Variants in POLR1A observed in about 807,000 individuals in gnomAD.
The protein encoded by POLR1A is RNA polymerase I subunit A, also known as DNA-directed RNA polymerase I subunit RPA1.
POLR1A carries 84 observed loss-of-function variants against 205.3 expected under a neutral mutation model. The ratio of observed to expected loss-of-function variants is 0.41; its 90% CI spans 0.34 to 0.49. POLR1A has a LOEUF of 0.49. Ranked by LOEUF, POLR1A falls within the 20% of genes least tolerant of loss-of-function variation. The probability of loss-of-function intolerance (pLI) is 0.22; values close to 1 mark genes in which losing one functional copy is unlikely to be tolerated. For synonymous variants in POLR1A, 799 were observed against 863.7 expected, an observed-to-expected ratio of 0.93 and a Z score of 1.31; for missense variants, 1,645 against 2,204.5, an observed-to-expected ratio of 0.75 and a Z score of 5.08.
At chr2:86,057,530 A>C (rs1481017237) in intron 14 of POLR1A, among the ~76,000 whole-genome samples, 1 of 152,246 alleles carries the variant, frequency 6.6e-6, no homozygotes, top group African/African-American at 2.4e-5. Context: ...TTGCAGGTTT[A>C]TTTGTAGTAT....
rs183095085 is a variant in POLR1A at position 86,045,775 on chromosome 2, G to A, written c.2734-6C>T. ...TGGCCCAGCAGGCACGAGATCTGGAGGACAGGAAATCCACAGGAAACTGAA... is the reference window on the plus strand; with the variant it reads ...TGGCCCAGCAGGCACGAGATCTGGAAGACAGGAAATCCACAGGAAACTGAA... On this transcript the variant is annotated splice_region_variant and splice_polypyrimidine_tract_variant and intron_variant, in intron 19 of 33. Coordinates refer to ENST00000263857, the MANE Select transcript of POLR1A (RefSeq NM_015425.6). The A allele has an allele frequency of 5.0e-5, 80 of 1,601,462 alleles. No homozygotes were observed. In the African/African-American group the frequency reaches 8.8e-4, roughly 18 times the overall value.
chr2:86,044,667 G>C (rs1030710615), intron 21 of POLR1A, among the ~76,000 whole-genome samples: 3 of 152,228 alleles, frequency 2.0e-5, no homozygotes, highest in Admixed American at 6.5e-5. Context: ...AGAACCAAAA[G>C]ACGGGCGAAG....
rs1458787958 is a variant in POLR1A at position 86,070,679 on chromosome 2, T to C, written c.1612-407A>G. Among the ~76,000 whole-genome samples the C allele has an allele frequency of 7.3e-6, 1 of 136,352 alleles. No homozygotes were observed. Among genetic ancestry groups the C allele is most frequent in the Non-Finnish European group, 1.6e-5 (1 of 63,848 alleles). 89.5% of individuals were successfully genotyped at this position (136,352 alleles called of 152,430 possible). A position where few individuals can be genotyped will look rare whatever the true frequency, so the allele number is the denominator to read the frequency against. On this transcript the variant is annotated intron_variant, in intron 12 of 33. Coordinates refer to ENST00000263857, the MANE Select transcript of POLR1A (RefSeq NM_015425.6). The surrounding 1 kb of genome is among the most constrained non-coding windows in gnomAD (Gnocchi z 4.4). ...ATAAAACCACTGGGTTTGAAAGGCA[T>C]TGGCAGACTTTCGAATCCCCCCCCC...
Position 86,070,130 on chromosome 2 carries a change from T to C in POLR1A, c.1754A>G (p.Tyr585Cys). 1 of 1,614,236 alleles carries C rather than the reference T, an allele frequency of 6.2e-7. No individual in the cohort carries two copies. The highest frequency in any genetic ancestry group is 8.5e-7 in the Non-Finnish European group (1 of 1,180,040). The part of the protein sequence containing the change: ...LRLHYANCKA[Y>C]NADFDGDEMN... ...CTCGTCTCCATCAAAGTCGGCATTA[T>C]AGGCCTTGCAGTTGGCATAGTGGAG... Residue 585 changes from tyrosine to cysteine, a missense_variant, in exon 13 of 34, where the codon TAT (tyrosine) becomes TGT (cysteine). Transcript: ENST00000263857. The surrounding 1 kb of genome is among the most constrained non-coding windows in gnomAD (Gnocchi z 4.4).
intron 23 of POLR1A, 129 bp from the exon 24 acceptor site, chr2:86,042,232 C>T: frequency 1.4e-6 from 1 of 694,928 alleles, no homozygotes; most frequent in Non-Finnish European, 2.5e-6. Flanking sequence ...GAAACCATCT[C>T]CCCATTTAAA....
chr2:86,041,062 C>T (rs1382346924), intron 24 of POLR1A, among the ~76,000 whole-genome samples: 2 of 152,094 alleles, frequency 1.3e-5, no homozygotes, highest in Non-Finnish European at 2.9e-5. Flanking sequence ...CAGAAGTATT[C>T]ATGCCGCACG....
chr2:86,041,149 CTGTGTGTGTGTGTGTGTGTGTGTGTGTG>C (rs756415592), intron 24 of POLR1A, among the ~76,000 whole-genome samples: 1 of 122,270 alleles, frequency 8.2e-6, no homozygotes, highest in Non-Finnish European at 1.7e-5. Context: ...CTGAGCTACA[CTGTGTGTGTGTGTGTGTGTGTGTGTGTG>C]TGTGTGTGTG....
chr2:86,082,937 T>C lies in POLR1A; in HGVS notation c.817+145A>G, dbSNP rs560837640. ...TCTATGACTCAATGTCAATGTGCCC[T>C]GAAGACTGCCCCAAACCTCTGGATC... is the stretch of plus-strand genomic sequence containing the variant. On this transcript the variant is annotated intron_variant, in intron 7 of 33. Coordinates refer to ENST00000263857, the MANE Select transcript of POLR1A (RefSeq NM_015425.6). The C allele has an allele frequency of 3.5e-5, 22 of 623,770 alleles. No homozygotes were observed. In the South Asian group the frequency reaches 4.6e-4, roughly 13 times the overall value. 38.6% of individuals were successfully genotyped at this position (623,770 alleles called of 1,614,324 possible). A position where few individuals can be genotyped will look rare whatever the true frequency, so the allele number is the denominator to read the frequency against.
chr2:86,028,905 G>A lies in POLR1A; in HGVS notation c.4780-194C>T, dbSNP rs931770063. 4.0e-5 allele frequency: 23 copies of A among 574,972 alleles called. No homozygotes were observed. The highest frequency in any genetic ancestry group is 6.9e-5 in the Non-Finnish European group (22 of 318,142). The allele number at this position is 574,972 out of a possible 1,614,324, so 35.6% of individuals were successfully genotyped here. ...CAGAGCTGCTGACGGCTCGCTGGCC[G>A]GGGCCCAAGGTCTGTATCGTCATTA... On this transcript the variant is annotated intron_variant, in intron 31 of 33. Transcript: ENST00000263857. This position sits in a 1 kb window ranked among gnomAD's most constrained non-coding sequence, Gnocchi z 4.5.
Position 86,105,816 on chromosome 2 carries a change from T to C in POLR1A, c.-40A>G, listed in dbSNP as rs191218064. 4.2e-3 allele frequency: 6,277 copies of C among 1,508,768 alleles called. 30 individuals are homozygous for C. Among genetic ancestry groups the C allele is most frequent in the South Asian group, 5.8e-3 (519 of 88,916 alleles). The allele number at this position is 1,508,768 out of a possible 1,614,324, so 93.5% of individuals were successfully genotyped here. On this transcript the variant is annotated 5_prime_UTR_variant, in exon 1 of 34. Coordinates refer to ENST00000263857, the MANE Select transcript of POLR1A (RefSeq NM_015425.6). ...TTGAATTCCGACACCCCAAGAGACG[T>C]TCCACTCACCACCTGACTATTCTTA...
At chr2:86,091,773 T>C (rs1673612036) in intron 3 of POLR1A, among the ~76,000 whole-genome samples, 1 of 152,176 alleles carries the variant, frequency 6.6e-6, no homozygotes, top group South Asian at 2.1e-4. Flanking sequence ...TCGGACAAAT[T>C]TGACCATGAG....
Position 86,024,258 on chromosome 2 carries a change from C to A in POLR1A, c.*3165G>T. ...ATTATGCTAAGTGAAATAAGCCGGT[C>A]ACAAAAAGACATGCTGTACTTTTCC... On this transcript the variant is annotated 3_prime_UTR_variant, in exon 34 of 34. Coordinates refer to ENST00000263857, the MANE Select transcript of POLR1A (RefSeq NM_015425.6). The A allele has an allele frequency of 4.7e-6, 1 of 212,166 alleles. No homozygotes were observed. The allele number at this position is 212,166 out of a possible 1,614,324, so 13.1% of individuals were successfully genotyped here.
At chr2:86,081,114 G>A (rs1311468530) in intron 8 of POLR1A, 136 bp from the exon 9 acceptor site, 25 of 773,712 alleles carry the variant, frequency 3.2e-5, no homozygotes, top group Non-Finnish European at 5.1e-5. Flanking sequence ...CCAACATTCC[G>A]GCTGGGTGTG....
intron 16 of POLR1A, among the ~76,000 whole-genome samples, chr2:86,051,504 C>T (rs948322413): frequency 2.0e-5 from 3 of 152,244 alleles, no homozygotes; most frequent in Non-Finnish European, 2.9e-5. Context: ...TACGCTGAGA[C>T]TCCCACTCTG....
intron 1 of POLR1A, among the ~76,000 whole-genome samples, chr2:86,103,521 G>C (rs1673860493): frequency 6.6e-6 from 1 of 152,194 alleles, no homozygotes; most frequent in African/African-American, 2.4e-5. Context: ...AAACTTGTTT[G>C]AAAACTCCAC....
At position 86,028,121 on chromosome 2, in the gene POLR1A, G is replaced by A; in HGVS notation, c.4898-72C>T. 2.1e-6 allele frequency: 3 copies of A among 1,450,400 alleles called. No individual in the cohort carries two copies. The highest frequency in any genetic ancestry group is 2.9e-6 in the Non-Finnish European group (3 of 1,034,748). The allele number at this position is 1,450,400 out of a possible 1,614,324, so 89.8% of individuals were successfully genotyped here. A position where few individuals can be genotyped will look rare whatever the true frequency, so the allele number is the denominator to read the frequency against. On this transcript the variant is annotated intron_variant, in intron 32 of 33. Coordinates refer to ENST00000263857, the MANE Select transcript of POLR1A (RefSeq NM_015425.6). This position sits in a 1 kb window ranked among gnomAD's most constrained non-coding sequence, Gnocchi z 4.5. Reference sequence around the variant, plus strand: ...GGAGCAGTCAGCAGACACAAGCCAAGCTGCCTCCACATCAGCACATGGCTT... The same window carrying A: ...GGAGCAGTCAGCAGACACAAGCCAAACTGCCTCCACATCAGCACATGGCTT...
intron 13 of POLR1A, among the ~76,000 whole-genome samples, chr2:86,067,791 T>A (rs1037476193): frequency 6.6e-6 from 1 of 152,162 alleles, no homozygotes; most frequent in African/African-American, 2.4e-5. Flanking sequence ...TTATAACCAT[T>A]AGCAAATATA....
chr2:86,081,214 G>A lies in POLR1A; in HGVS notation c.924-236C>T, dbSNP rs1673395429. ...AGTTCGAGACCAGCCTGGCCAACATGGTGAAACCCCATCTCTATGTAAAAT... is the reference window on the plus strand; with the variant it reads ...AGTTCGAGACCAGCCTGGCCAACATAGTGAAACCCCATCTCTATGTAAAAT... On this transcript the variant is annotated intron_variant, in intron 8 of 33. Transcript: ENST00000263857. Among the ~76,000 whole-genome samples, 5 of 152,208 alleles carry A rather than the reference G, an allele frequency of 3.3e-5. No homozygotes were observed. In the South Asian group the frequency reaches 1.0e-3, roughly 32 times the overall value.
In POLR1A at chr2:86,088,582, C is replaced by T; in HGVS notation, c.714G>A (p.Lys238=). 6.2e-7 allele frequency: 1 copy of T among 1,613,490 alleles called. No homozygotes were observed. Among genetic ancestry groups the T allele is most frequent in the Non-Finnish European group, 8.5e-7 (1 of 1,179,318 alleles). The part of the protein sequence containing the change: ...PAMVHRTAGQ[K]DSEPLGIEEA... Reference sequence around the variant, plus strand: ...CCTGCTCACCCAGGGGCTCAGAGTCCTTCTGGCCAGCTGTCCTGTGCACCA... The same window carrying T: ...CCTGCTCACCCAGGGGCTCAGAGTCTTTCTGGCCAGCTGTCCTGTGCACCA... Residue 238 remains lysine (K), a synonymous_variant, in exon 6 of 34, where the codon AAG becomes AAA. Coordinates refer to ENST00000263857, the MANE Select transcript of POLR1A (RefSeq NM_015425.6).
Sources: gnomAD v4.1 joint callset for allele counts (sites outside exome capture counted in the v4.1 genomes callset) on GRCh38, gnomAD v4.1.1 for gene constraint, Gnocchi (gnomAD v3.1) non-coding constraint, MANE v1.5 for transcripts, NCBI Gene and HGNC (gene_info 2026-07-23, HGNC 2026-07-21) for gene names.